The following RPUSD3 variants were observed in gnomAD, a reference collection of about 807,000 sequenced individuals.
The protein encoded by RPUSD3 is RNA pseudouridine synthase D3.
Under a neutral mutation model 35.1 loss-of-function variants are expected in RPUSD3, and 36 were observed. The ratio of observed to expected loss-of-function variants is 1.02; its 90% CI spans 0.79 to 1.35. The LOEUF (loss-of-function observed/expected upper bound fraction) is 1.35, where lower values mean the gene tolerates loss of function less well. Among genes scored for constraint, RPUSD3 ranks in the 40% most tolerant of loss-of-function variants. The probability of loss-of-function intolerance (pLI) is 0.00; values close to 1 mark genes in which losing one functional copy is unlikely to be tolerated. For missense variants in RPUSD3, 486 were observed against 441.9 expected (o/e 1.10, Z -0.89); for synonymous variants, 202 against 187.8 (o/e 1.08, Z -0.62).
chr3:9,843,824 G>T, intron 1 of RPUSD3, 66 bp downstream of exon 1: 1 of 1,556,592 alleles, frequency 6.4e-7, no homozygotes, highest in Non-Finnish European at 8.7e-7. Flanking sequence ...ACCTGATCCA[G>T]ATCCCGCACG....
intron 6 of RPUSD3, 77 bp from the exon 7 acceptor site, chr3:9,840,384 A>T: frequency 1.2e-6 from 2 of 1,612,760 alleles, no homozygotes; most frequent in Non-Finnish European, 1.7e-6. Flanking sequence ...CTCCCAATAG[A>T]CTCCGGGCAG....
At chr3:9,841,068 T>C (rs888821841) in intron 4 of RPUSD3, 2 of 293,678 alleles carry the variant, frequency 6.8e-6, no homozygotes, top group African/African-American at 4.4e-5. Flanking sequence ...AGAATTCTAC[T>C]AGAAATTCTG....
At chr3:9,839,424 C>T (rs767057194) in intron 7 of RPUSD3, 15 of 385,486 alleles carry the variant, frequency 3.9e-5, no homozygotes, top group Non-Finnish European at 5.7e-5. Context: ...CTGAAGCCAC[C>T]GGGCCTAAGG....
Position 9,842,262 on chromosome 3 carries a change from G to A in RPUSD3, c.263-19C>T, listed in dbSNP as rs1201917245. ...AGAGGTCCTGAAACATACATCACAC[G>A]AACATCAGCAAAAGCAACGGTAACC... On this transcript the variant is annotated intron_variant, in intron 2 of 8. Coordinates refer to ENST00000383820, the Ensembl canonical transcript of RPUSD3. 6.2e-6 allele frequency: 10 copies of A among 1,613,686 alleles called. No individual in the cohort carries two copies. Among genetic ancestry groups the A allele is most frequent in the Admixed American group, 1.7e-5 (1 of 59,986 alleles).
At chr3:9,840,081 C>T in intron 7 of RPUSD3, 103 bp downstream of exon 7, 44 of 1,439,168 alleles carry the variant, frequency 3.1e-5, no homozygotes, top group Non-Finnish European at 4.1e-5. Flanking sequence ...AGGGTTTCAC[C>T]ATCTTGGCCA....
rs576420857 is a variant in RPUSD3, at chr3:9,843,420, C to T, written c.262+45G>A. On this transcript the variant is annotated intron_variant, in intron 2 of 8. Coordinates refer to ENST00000383820, the Ensembl canonical transcript of RPUSD3. ...TGGAGAGCCCAACTGCACGCCGAGG[C>T]AGTCCCCTCCCGGTCCTTGTGCGGC... 2.5e-5 allele frequency: 41 copies of T among 1,608,208 alleles called. No individual in the cohort carries two copies. In the South Asian group the frequency reaches 3.2e-4, roughly 13 times the overall value.
chr3:9,840,630 A>T lies in RPUSD3; in HGVS notation c.516-14T>A, dbSNP rs2082089174. ...TCAGTGACAGCACTGAGAAAGGGGC[A>T]GGAGGAGGTCACAGGGTGGCTTGCT... On this transcript the variant is annotated splice_polypyrimidine_tract_variant and intron_variant, in intron 5 of 8. Coordinates refer to ENST00000383820, the Ensembl canonical transcript of RPUSD3. 1 of 1,613,074 alleles carries T rather than the reference A, an allele frequency of 6.2e-7. No homozygotes were observed. The highest frequency in any genetic ancestry group is 8.5e-7 in the Non-Finnish European group (1 of 1,179,496).
rs746493266 is a variant in RPUSD3, at chr3:9,840,658, GACCTCCCCACCACTCTAGGA to G, written c.515+20_515+39del. The G allele has an allele frequency of 6.2e-7, 1 of 1,612,182 alleles. No homozygotes were observed. Among genetic ancestry groups the G allele is most frequent in the Non-Finnish European group, 8.5e-7 (1 of 1,178,652 alleles). Reference sequence around the variant, plus strand: ...AGGAGGTCACAGGGTGGCTTGCTGGGACCTCCCCACCACTCTAGGAACCTCCCAGCACCTCTCACCAGTAG... The same window carrying G: ...AGGAGGTCACAGGGTGGCTTGCTGGGACCTCCCAGCACCTCTCACCAGTAG... On this transcript the variant is annotated intron_variant, in intron 5 of 8. Transcript: ENST00000383820.
exon 9 of RPUSD3, chr3:9,838,009 G>C: frequency 1.3e-6 from 2 of 1,554,978 alleles, no homozygotes; most frequent in South Asian, 2.4e-5. Context: ...CAGGAACAGA[G>C]GGAGGACTAT....
In RPUSD3 at chr3:9,839,017, G is replaced by A. The variant is rs2082063557; in HGVS notation, c.864+15C>T. ...TCCACCCCTCAGAAAGCAGCAGGCA[G>A]GTGGGCTGGAGTACCTGTCTTTGGG... On this transcript the variant is annotated intron_variant, in intron 8 of 8. Coordinates refer to ENST00000383820, the Ensembl canonical transcript of RPUSD3. 3 of 1,613,996 alleles carry A rather than the reference G, an allele frequency of 1.9e-6. No homozygotes were observed. Among genetic ancestry groups the A allele is most frequent in the Non-Finnish European group, 2.5e-6 (3 of 1,179,900 alleles).
chr3:9,841,632 G>A (rs906428332), intron 4 of RPUSD3: 6 of 180,378 alleles, frequency 3.3e-5, no homozygotes, highest in African/African-American at 7.1e-5. Flanking sequence ...GCCACCACGC[G>A]GAAAGTTTTG....
At chr3:9,842,281 G>A (rs750848872) in intron 2 of RPUSD3, 38 bp from the exon 3 acceptor site, 9 of 1,608,266 alleles carry the variant, frequency 5.6e-6, no homozygotes, top group African/African-American at 2.7e-5. Flanking sequence ...CAAAAGCAAC[G>A]GTAACCCTTT....
intron 1 of RPUSD3, 68 bp from the exon 2 acceptor site, chr3:9,843,669 C>A (rs2082137080): frequency 1.9e-6 from 3 of 1,578,728 alleles, no homozygotes; most frequent in Non-Finnish European, 2.6e-6. Context: ...TATCTCCGGA[C>A]GCCTCTTCCC....
rs111872067 is a variant in RPUSD3, at chr3:9,839,669, C to G, written c.725-498G>C. 4.1e-3 allele frequency: 650 copies of G among 156,686 alleles called. 8 individuals carry two copies. The highest frequency in any genetic ancestry group is 0.015 in the African/African-American group (620 of 41,484). 9.7% of individuals were successfully genotyped at this position (156,686 alleles called of 1,614,324 possible). ...CTTCGCTCACTGCAACCTCTGTCTC[C>G]CAGGTTCAAGCGATTCTCCCGCCTC... On this transcript the variant is annotated intron_variant, in intron 7 of 8. Coordinates refer to ENST00000383820, the Ensembl canonical transcript of RPUSD3.
At chr3:9,839,399 AC>A (rs1005496751) in intron 7 of RPUSD3, 15 of 452,646 alleles carry the variant, frequency 3.3e-5, no homozygotes, top group African/African-American at 2.8e-4. Context: ...ATGAGATGCA[AC>A]CCTGATTTAA....
chr3:9,840,968 C>G (rs2082094877), intron 4 of RPUSD3, 163 bp from the exon 5 acceptor site: 2 of 558,492 alleles, frequency 3.6e-6, no homozygotes, highest in Admixed American at 6.5e-5. Flanking sequence ...TCTTTGATAA[C>G]AAGACTATGT....
At chr3:9,840,102 G>T in intron 7 of RPUSD3, 82 bp downstream of exon 7, 1 of 1,539,918 alleles carries the variant, frequency 6.5e-7, no homozygotes, top group South Asian at 1.2e-5. Flanking sequence ...GACTGGTCTT[G>T]AACTCCTGAC....
chr3:9,841,993 C>A (rs2082110969), exon 4 of RPUSD3: 2 of 1,614,004 alleles, frequency 1.2e-6, no homozygotes, highest in Non-Finnish European at 1.7e-6. Flanking sequence ...TTCCCAGATG[C>A]TCGGACAACC....
chr3:9,840,051 T>C (rs1363640221), intron 7 of RPUSD3, 133 bp downstream of exon 7: 2 of 1,176,242 alleles, frequency 1.7e-6, no homozygotes, highest in Non-Finnish European at 2.3e-6. Context: ...CAGCTAATTT[T>C]TGTAGTTTTT....
Sources: gnomAD v4.1 joint callset for allele counts on GRCh38, gnomAD v4.1.1 for gene constraint, MANE v1.5 for transcripts, NCBI Gene and HGNC (gene_info 2026-07-23, HGNC 2026-07-21) for gene names.